NCKAP5: variants seen among roughly 807,000 people sequenced by gnomAD.
NCKAP5 encodes NCK associated protein 5.
Under a neutral mutation model 167.0 loss-of-function variants are expected in NCKAP5, and 92 were observed. The ratio of observed to expected loss-of-function variants is 0.55; its 90% confidence interval spans 0.47 to 0.66. NCKAP5 has a LOEUF of 0.66. Among genes scored for constraint, NCKAP5 ranks in the 30% least tolerant of loss-of-function variants. NCKAP5 has a pLI of 0.00. For missense variants in NCKAP5, 2,378 were observed against 2,315.0 expected (o/e 1.03, Z -0.56); for synonymous variants, 891 against 877.4 (o/e 1.02, Z -0.27).
At chr2:133,346,891 A>G (rs1684015069) in intron 3 of NCKAP5, among the ~76,000 whole-genome samples, 1 of 152,230 alleles carries the variant, frequency 6.6e-6, no homozygotes, top group African/African-American at 2.4e-5. Flanking sequence ...AACAAATAGA[A>G]GGCTGGGTGA....
the NCKAP5 span, among the ~76,000 whole-genome samples, chr2:133,631,599 ATCT>A: frequency 6.6e-6 from 1 of 152,198 alleles, no homozygotes; most frequent in Non-Finnish European, 1.5e-5. Context: ...GAAAAGCCTA[ATCT>A]TCTCACGTGA....
At chr2:133,623,953 C>G in the NCKAP5 span, among the ~76,000 whole-genome samples, 1 of 152,012 alleles carries the variant, frequency 6.6e-6, no homozygotes, top group East Asian at 1.9e-4. Context: ...TGGAATACTA[C>G]GCAGCCATAA....
chr2:133,001,439 C>T (rs1016655948), intron 6 of NCKAP5, among the ~76,000 whole-genome samples: 2 of 151,970 alleles, frequency 1.3e-5, no homozygotes, highest in South Asian at 2.1e-4. Context: ...AGACTGGCCT[C>T]GAACTCCTGA....
intron 4 of NCKAP5, among the ~76,000 whole-genome samples, chr2:133,231,975 T>C (rs1413923745): frequency 1.3e-5 from 2 of 152,172 alleles, no homozygotes; most frequent in Non-Finnish European, 1.5e-5. Context: ...TGTAACTAAA[T>C]AGGTACAGAA....
the NCKAP5 span, among the ~76,000 whole-genome samples, chr2:133,646,352 T>A: frequency 6.6e-6 from 1 of 152,110 alleles, no homozygotes; most frequent in Admixed American, 6.5e-5. Context: ...AATAGTGACT[T>A]GTCACATACA....
At chr2:133,047,953 G>C (rs2079459546) in intron 6 of NCKAP5, among the ~76,000 whole-genome samples, 1 of 152,098 alleles carries the variant, frequency 6.6e-6, no homozygotes, top group African/African-American at 2.4e-5. Context: ...ATTGAAGAAG[G>C]GAGAGGAAAA....
intron 15 of NCKAP5, among the ~76,000 whole-genome samples, chr2:132,776,324 C>G (rs556713644): frequency 6.6e-6 from 1 of 152,024 alleles, no homozygotes; most frequent in Non-Finnish European, 1.5e-5. Context: ...TTACCTGTTC[C>G]GTGCCCCTTC....
chr2:133,628,138 G>A, the NCKAP5 span, among the ~76,000 whole-genome samples: 1 of 152,084 alleles, frequency 6.6e-6, no homozygotes, highest in African/African-American at 2.4e-5. Flanking sequence ...GGAAGTTCTG[G>A]CCAGGGCAAT....
At chr2:133,038,207 G>A (rs1163712458) in intron 6 of NCKAP5, among the ~76,000 whole-genome samples, 1 of 152,110 alleles carries the variant, frequency 6.6e-6, no homozygotes, top group Non-Finnish European at 1.5e-5. Context: ...GCTAAGATTT[G>A]GAAGGAACTG....
At chr2:133,294,290 C>A (rs544582539) in intron 4 of NCKAP5, among the ~76,000 whole-genome samples, 1 of 152,134 alleles carries the variant, frequency 6.6e-6, no homozygotes, top group East Asian at 1.9e-4. Context: ...GTTTAATACT[C>A]GGCGTCCCCT....
intron 6 of NCKAP5, among the ~76,000 whole-genome samples, chr2:133,015,773 C>T (rs1485174480): frequency 2.0e-5 from 3 of 152,062 alleles, no homozygotes; most frequent in Non-Finnish European, 4.4e-5. Context: ...ACAAGTGTGT[C>T]GACACAATAG....
intron 4 of NCKAP5, among the ~76,000 whole-genome samples, chr2:133,284,015 C>T (rs978799132): frequency 1.2e-4 from 18 of 152,018 alleles, no homozygotes; most frequent in African/African-American, 3.9e-4. Flanking sequence ...ACTTGTAGAA[C>T]TCATATCCTA....
rs561154246 is a variant in NCKAP5 at position 132,833,944 on chromosome 2, G to A, written c.807+26548C>T. On this transcript the variant is annotated intron_variant, in intron 11 of 19. Transcript: ENST00000409261. ...GATTGCATTGAATCTCTAGATTAGG[G>A]TAGTATGGTTATTTTAATGATATTA... Among the ~76,000 whole-genome samples, 137 of 152,194 alleles carry A rather than the reference G, an allele frequency of 9.0e-4. 1 individual carries two copies. The highest frequency in any genetic ancestry group is 3.2e-3 in the African/African-American group (132 of 41,544).
intron 3 of NCKAP5, among the ~76,000 whole-genome samples, chr2:133,388,833 G>A (rs1687189740): frequency 6.6e-6 from 1 of 152,228 alleles, no homozygotes; most frequent in African/African-American, 2.4e-5. Flanking sequence ...GACCCTCCGA[G>A]CCAGGTGTGG....
intron 5 of NCKAP5, among the ~76,000 whole-genome samples, chr2:133,211,684 G>T (rs1215889736): frequency 1.3e-5 from 2 of 152,192 alleles, no homozygotes. Flanking sequence ...CTAGAATAGT[G>T]CTGGGCACAT....
At chr2:132,878,110 C>A (rs185335774) in intron 9 of NCKAP5, among the ~76,000 whole-genome samples, 1 of 152,110 alleles carries the variant, frequency 6.6e-6, no homozygotes, top group East Asian at 1.9e-4. Context: ...AGACAGGATG[C>A]GTCGGTGATT....
intron 3 of NCKAP5, among the ~76,000 whole-genome samples, chr2:133,470,460 TTTTG>T (rs1320041218): frequency 1.5e-4 from 23 of 152,192 alleles, no homozygotes; most frequent in Non-Finnish European, 4.4e-5. Context: ...GCTGCTGTCT[TTTTG>T]TTTGTCTGTG....
intron 16 of NCKAP5, among the ~76,000 whole-genome samples, chr2:132,768,783 G>A (rs1681755743): frequency 6.7e-6 from 1 of 149,166 alleles, no homozygotes; most frequent in Non-Finnish European, 1.5e-5. Flanking sequence ...GGGACTACAG[G>A]CGCCCGCCAC....
At chr2:133,036,997 C>T (rs1008497097) in intron 6 of NCKAP5, among the ~76,000 whole-genome samples, 1 of 152,016 alleles carries the variant, frequency 6.6e-6, no homozygotes, top group Non-Finnish European at 1.5e-5. Flanking sequence ...ATGCAAAAAT[C>T]AGTAGCATTT....
Sources: gnomAD v4.1 joint callset for allele counts (sites outside exome capture counted in the v4.1 genomes callset) on GRCh38, gnomAD v4.1.1 for gene constraint, MANE v1.5 for transcripts, NCBI Gene and HGNC (gene_info 2026-07-23, HGNC 2026-07-21) for gene names.